Variants in RHCE observed in about 807,000 individuals in gnomAD.
The protein encoded by RHCE is blood group Rh(CE) polypeptide.
Under a neutral mutation model 43.8 loss-of-function variants are expected in RHCE, and 22 were observed. The observed-to-expected ratio is 0.50, with a 90% confidence interval of 0.36 to 0.72. RHCE has a LOEUF of 0.72. Ranked by LOEUF, RHCE falls within the 30% of genes least tolerant of loss-of-function variation. The pLI is 0.00. For missense variants in RHCE, 385 were observed against 525.4 expected (o/e 0.73, Z 2.61); for synonymous variants, 156 against 210.7 (o/e 0.74, Z 2.25).
intron 1 of RHCE, among the ~76,000 whole-genome samples, chr1:25,410,690 G>A (rs955891292): frequency 3.9e-5 from 6 of 152,048 alleles, no homozygotes; most frequent in East Asian, 1.9e-4. Context: ...ATGAGCCACC[G>A]TGCCCAGCCT....
chr1:25,391,564 T>A (rs1646365129), intron 4 of RHCE, among the ~76,000 whole-genome samples: 1 of 152,038 alleles, frequency 6.6e-6, no homozygotes, highest in Admixed American at 6.6e-5. Flanking sequence ...TTGCCTACTA[T>A]CAAGCTCACT....
chr1:25,420,617 C>G, intron 1 of RHCE, 22 bp downstream of exon 1: 1 of 1,613,922 alleles, frequency 6.2e-7, no homozygotes, highest in Non-Finnish European at 8.5e-7. Context: ...CTCCTGTGAC[C>G]ACTGTTCCAA....
chr1:25,376,957 A>T (rs893980684), intron 7 of RHCE, among the ~76,000 whole-genome samples: 3 of 152,192 alleles, frequency 2.0e-5, no homozygotes, highest in Admixed American at 2.0e-4. Context: ...AGATAAAAAG[A>T]GTTGCCACCC....
At position 25,397,632 on chromosome 1, in the gene RHCE, C is replaced by T. The variant is rs1281467729; in HGVS notation, c.486+4964G>A. 1.6e-4 allele frequency among the ~76,000 whole-genome samples: 24 copies of T among 152,294 alleles called. No homozygotes were observed. In the South Asian group the frequency reaches 5.0e-3, roughly 32 times the overall value. On this transcript the variant is annotated intron_variant, in intron 3 of 9. Transcript: ENST00000294413. Reference sequence around the variant, plus strand: ...GCTGCGGTCTCAGCCTCCTGGCCGCCCCTTGGTCACTGATGATGTCAGTTC... The same window carrying T: ...GCTGCGGTCTCAGCCTCCTGGCCGCTCCTTGGTCACTGATGATGTCAGTTC...
intron 7 of RHCE, among the ~76,000 whole-genome samples, chr1:25,381,958 G>A (rs1455384227): frequency 1.3e-5 from 2 of 151,002 alleles, no homozygotes; most frequent in Non-Finnish European, 2.9e-5. Flanking sequence ...TGATTATAAA[G>A]AAAATAAATT....
chr1:25,362,685 G>A (rs895450527), intron 9 of RHCE, 132 bp from the exon 10 acceptor site: 2 of 572,356 alleles, frequency 3.5e-6, no homozygotes, highest in African/African-American at 2.7e-5. Context: ...AATTGGAAGA[G>A]ATCTTGGATA....
upstream of RHCE, among the ~76,000 whole-genome samples, chr1:25,421,419 G>A (rs1469961151): frequency 6.6e-6 from 1 of 151,248 alleles, no homozygotes; most frequent in East Asian, 1.9e-4. Context: ...AGCATTTTAA[G>A]GGGGGGTGGC....
chr1:25,411,796 A>G (rs1647087852), intron 1 of RHCE, among the ~76,000 whole-genome samples: 1 of 152,188 alleles, frequency 6.6e-6, no homozygotes, highest in Non-Finnish European at 1.5e-5. Context: ...TGCAGTGCAC[A>G]TGTGGGAGCA....
At chr1:25,422,719 G>A (rs140201149), upstream of RHCE, among the ~76,000 whole-genome samples, 125 of 152,314 alleles carry the variant, frequency 8.2e-4, 1 homozygote, top group East Asian at 0.02. Context: ...TAGATCAGGG[G>A]TCCCCAACCT....
upstream of RHCE, among the ~76,000 whole-genome samples, chr1:25,422,730 A>T (rs1737347): frequency 5.9e-5 from 9 of 152,206 alleles, no homozygotes; most frequent in East Asian, 7.7e-4. Context: ...TCCCCAACCT[A>T]TTTGGCACCA....
At position 25,402,175 on chromosome 1, in the gene RHCE, C is replaced by CCTGTCTGTCTGT. The variant is rs74426100; in HGVS notation, c.486+409_486+420dup. ...TACAGGTGTGAGCCACTGTACCCAG[C>CCTGTCTGTCTGT]CTGTCTGTCTGTCTGTCTGTCTGTC... On this transcript the variant is annotated intron_variant, in intron 3 of 9. Transcript: ENST00000294413. Among the ~76,000 whole-genome samples, 195 of 145,288 alleles carry CCTGTCTGTCTGT rather than the reference C, an allele frequency of 1.3e-3. 2 individuals are homozygous for CCTGTCTGTCTGT. The highest frequency in any genetic ancestry group is 3.4e-3 in the Middle Eastern group (1 of 290).
intron 3 of RHCE, chr1:25,399,279 G>A: frequency 3.8e-6 from 3 of 792,724 alleles, no homozygotes; most frequent in Non-Finnish European, 6.7e-6. Flanking sequence ...CTCACAATAA[G>A]GAAGAAATAA....
At chr1:25,378,716 G>T (rs145206448) in intron 7 of RHCE, among the ~76,000 whole-genome samples, 1,659 of 152,208 alleles carry the variant, frequency 0.011, 34 homozygotes, top group African/African-American at 0.037. Flanking sequence ...AAAGGCATAG[G>T]CCCAGTTCCC....
chr1:25,376,008 C>T (rs1015236039), intron 7 of RHCE, among the ~76,000 whole-genome samples: 7 of 152,060 alleles, frequency 4.6e-5, no homozygotes, highest in Non-Finnish European at 8.8e-5. Context: ...CCAGGCTGAA[C>T]TCGAACTCCT....
chr1:25,390,403 AGGCT>A (rs1244463551), intron 5 of RHCE, among the ~76,000 whole-genome samples: 2 of 152,106 alleles, frequency 1.3e-5, no homozygotes, highest in Non-Finnish European at 2.9e-5. Context: ...GGGAAGAGAG[AGGCT>A]GGCTAATTCT....
At chr1:25,379,966 C>T (rs1251173277) in intron 7 of RHCE, among the ~76,000 whole-genome samples, 2 of 151,964 alleles carry the variant, frequency 1.3e-5, no homozygotes, top group African/African-American at 4.8e-5. Flanking sequence ...GCATGAAACA[C>T]CACACTTAGA....
At chr1:25,381,671 T>A (rs1646008393) in intron 7 of RHCE, among the ~76,000 whole-genome samples, 1 of 151,928 alleles carries the variant, frequency 6.6e-6, no homozygotes, top group Non-Finnish European at 1.5e-5. Context: ...TTAGCCAGGC[T>A]GGTCTCGAAC....
At position 25,420,736 on chromosome 1, in the gene RHCE, G is replaced by T. The variant is rs1434258978; in HGVS notation, c.51C>A (p.Ala17=). 1 of 1,609,192 alleles carries T rather than the reference G, an allele frequency of 6.2e-7. No homozygotes were observed. The highest frequency in any genetic ancestry group is 1.1e-5 in the South Asian group (1 of 90,910). Residue 17 remains alanine (A), a synonymous_variant, in exon 1 of 10, where the codon GCC becomes GCA. Coordinates refer to ENST00000294413, the MANE Select transcript of RHCE (RefSeq NM_020485.8). Reference sequence around the variant, plus strand: ...GAATGAGAGCTGCTTCCAGTGTTAGGGCGCAGAGGGGCAGGCAGCGCCGGA... The same window carrying T: ...GAATGAGAGCTGCTTCCAGTGTTAGTGCGCAGAGGGGCAGGCAGCGCCGGA... The part of the protein sequence containing the change: ...RSVRRCLPLC[A]LTLEAALILL...
intron 2 of RHCE, among the ~76,000 whole-genome samples, chr1:25,408,124 C>T (rs1646970164): frequency 8.2e-6 from 1 of 121,596 alleles, no homozygotes; most frequent in Non-Finnish European, 1.9e-5. Flanking sequence ...CCTATCTCTA[C>T]TAAAAATACA....
Sources: allele counts gnomAD v4.1 joint callset (sites outside exome capture counted in the v4.1 genomes callset), GRCh38; gene constraint gnomAD v4.1.1; transcripts MANE v1.5; gene names NCBI Gene and HGNC (gene_info 2026-07-23, HGNC 2026-07-21).